CACNA2D3: variants seen among roughly 807,000 people sequenced by gnomAD.
The protein encoded by CACNA2D3 is voltage-dependent calcium channel subunit alpha-2/delta-3.
In CACNA2D3, 60 loss-of-function variants were observed where a neutral mutation model predicts 160.6. The observed-to-expected ratio is 0.37, with a 90% CI of 0.30 to 0.46. The LOEUF is 0.46. Among genes scored for constraint, CACNA2D3 ranks in the 20% least tolerant of loss-of-function variants. The probability of loss-of-function intolerance (pLI) is 1.00; values close to 1 mark genes in which losing one functional copy is unlikely to be tolerated. For synonymous variants in CACNA2D3, 558 were observed against 492.9 expected, an observed-to-expected ratio of 1.13 and a Z score of -1.75; for missense variants, 1,205 against 1,365.0, an observed-to-expected ratio of 0.88 and a Z score of 1.85.
chr3:54,123,714 C>G, intron 2 of CACNA2D3, 120 bp downstream of exon 2: 2 of 819,054 alleles, frequency 2.4e-6, no homozygotes, highest in South Asian at 2.8e-5. Flanking sequence ...ACTCTCTGAT[C>G]CCCGGGTTTC....
At chr3:54,453,957 C>G (rs1222181823) in intron 4 of CACNA2D3, among the ~76,000 whole-genome samples, 1 of 152,164 alleles carries the variant, frequency 6.6e-6, no homozygotes, top group Admixed American at 6.5e-5. Context: ...ACCACATGAG[C>G]TGAAATCATG....
chr3:54,677,410 A>G (rs1348420037), intron 11 of CACNA2D3, among the ~76,000 whole-genome samples: 1 of 152,220 alleles, frequency 6.6e-6, no homozygotes, highest in Non-Finnish European at 1.5e-5. Context: ...ATTAGCTATC[A>G]TCACCTGGAC....
At chr3:55,005,354 G>A (rs1703072520) in intron 32 of CACNA2D3, among the ~76,000 whole-genome samples, 1 of 152,138 alleles carries the variant, frequency 6.6e-6, no homozygotes, top group South Asian at 2.1e-4. Context: ...GTAATTATAT[G>A]AATGAGAAAT....
chr3:54,713,271 C>A (rs1421156138), intron 11 of CACNA2D3, among the ~76,000 whole-genome samples: 1 of 152,210 alleles, frequency 6.6e-6, no homozygotes. Context: ...CCAACTCCTT[C>A]TTGCTTTCTA....
chr3:54,708,768 A>G (rs73070483), intron 11 of CACNA2D3, among the ~76,000 whole-genome samples: 1,736 of 152,290 alleles, frequency 0.011, 19 homozygotes, highest in Non-Finnish European at 0.016. Context: ...GAGGGGTGAG[A>G]CCCTGACAAG....
chr3:54,126,150 T>C (rs1699586155), intron 2 of CACNA2D3, among the ~76,000 whole-genome samples: 1 of 152,238 alleles, frequency 6.6e-6, no homozygotes, highest in Non-Finnish European at 1.5e-5. Context: ...GTTTCACTAA[T>C]TGACACTTCA....
intron 5 of CACNA2D3, among the ~76,000 whole-genome samples, chr3:54,519,494 G>A (rs1288257677): frequency 6.6e-6 from 1 of 152,246 alleles, no homozygotes; most frequent in African/African-American, 2.4e-5. Context: ...ACCCCAGAGT[G>A]AATTGGAGAT....
intron 9 of CACNA2D3, among the ~76,000 whole-genome samples, chr3:54,582,987 A>C (rs1383696619): frequency 6.6e-6 from 1 of 152,230 alleles, no homozygotes; most frequent in Non-Finnish European, 1.5e-5. Context: ...AACCAAGTAC[A>C]CTGAAGTTCA....
At chr3:54,936,358 C>T (rs1176824910) in intron 27 of CACNA2D3, among the ~76,000 whole-genome samples, 1 of 152,144 alleles carries the variant, frequency 6.6e-6, no homozygotes, top group Non-Finnish European at 1.5e-5. Flanking sequence ...ATTATAAAGC[C>T]TTTGTGTGTG....
intron 11 of CACNA2D3, among the ~76,000 whole-genome samples, chr3:54,699,941 C>A (rs973800807): frequency 1.3e-5 from 2 of 152,162 alleles, no homozygotes; most frequent in African/African-American, 4.8e-5. Context: ...ACCATATTAA[C>A]CATGAGGTTA....
At chr3:54,817,817 T>C (rs1022465208) in intron 14 of CACNA2D3, among the ~76,000 whole-genome samples, 10 of 152,234 alleles carry the variant, frequency 6.6e-5, no homozygotes, top group African/African-American at 2.2e-4. Flanking sequence ...ATTTGAGGTA[T>C]TTAAACAAGG....
chr3:55,001,470 A>T (rs923455212), intron 31 of CACNA2D3, among the ~76,000 whole-genome samples: 5 of 152,222 alleles, frequency 3.3e-5, no homozygotes, highest in African/African-American at 9.6e-5. Flanking sequence ...ACACATAGAT[A>T]ACCTTCTTTA....
chr3:54,318,457 G>T (rs373117892), intron 2 of CACNA2D3, among the ~76,000 whole-genome samples: 1 of 152,112 alleles, frequency 6.6e-6, no homozygotes, highest in South Asian at 2.1e-4. Context: ...CATCTAATAA[G>T]CAGTGTAGCA....
intron 34 of CACNA2D3, among the ~76,000 whole-genome samples, chr3:55,017,689 A>G (rs146125933): frequency 6.6e-6 from 1 of 152,312 alleles, no homozygotes; most frequent in East Asian, 1.9e-4. Flanking sequence ...AGTGCTTTAA[A>G]ATTGACATGT....
intron 2 of CACNA2D3, among the ~76,000 whole-genome samples, chr3:54,144,398 T>A (rs1298786163): frequency 6.6e-6 from 1 of 152,236 alleles, no homozygotes; most frequent in Admixed American, 6.5e-5. Context: ...AGCATCCTCA[T>A]AAGGGGATTC....
At chr3:54,984,848 G>T (rs1366359619) in intron 30 of CACNA2D3, among the ~76,000 whole-genome samples, 178 bp downstream of exon 30, 1 of 152,126 alleles carries the variant, frequency 6.6e-6, no homozygotes, top group African/African-American at 2.4e-5. Context: ...TTCTCAGCAG[G>T]CCCCAAAGAG....
At chr3:54,802,319 A>G (rs1226036052) in intron 13 of CACNA2D3, among the ~76,000 whole-genome samples, 2 of 152,208 alleles carry the variant, frequency 1.3e-5, no homozygotes, top group African/African-American at 4.8e-5. Flanking sequence ...GATTCCAAGG[A>G]GAAGGATATT....
intron 2 of CACNA2D3, among the ~76,000 whole-genome samples, chr3:54,295,602 G>C (rs57211759): frequency 0.21 from 31,563 of 152,118 alleles, 3,460 homozygotes; most frequent in South Asian, 0.33. Flanking sequence ...GCATTCTTTT[G>C]AATTTCTGAT....
chr3:54,250,051 C>G (rs1428832112), intron 2 of CACNA2D3, among the ~76,000 whole-genome samples: 1 of 152,148 alleles, frequency 6.6e-6, no homozygotes, highest in Non-Finnish European at 1.5e-5. Context: ...CGTGTGAAGT[C>G]TGATAGACTT....
Sources: allele counts gnomAD v4.1 joint callset (sites outside exome capture counted in the v4.1 genomes callset), GRCh38; gene constraint gnomAD v4.1.1; transcripts MANE v1.5; gene names NCBI Gene and HGNC (gene_info 2026-07-23, HGNC 2026-07-21).